KIF13A: variants seen among roughly 807,000 people sequenced by gnomAD.
The protein encoded by KIF13A is kinesin-like protein KIF13A.
A neutral mutation model predicts 212.2 loss-of-function variants in KIF13A; 79 were observed. The observed-to-expected ratio is 0.37, with a 90% CI of 0.31 to 0.45. The LOEUF is 0.45. Ranked by LOEUF, KIF13A falls within the 20% of genes least tolerant of loss-of-function variation. The pLI is 1.00. For missense variants in KIF13A, 1,901 were observed against 2,209.0 expected (o/e 0.86, Z 2.79); for synonymous variants, 789 against 808.6 (o/e 0.98, Z 0.41).
Position 17,787,827 on chromosome 6 carries a change from T to C in KIF13A, c.3310A>G (p.Lys1104Glu). Residue 1104 changes from lysine (K) to glutamate (E), a missense_variant, in exon 27 of 39, where the codon AAA becomes GAA. This residue lies in a region of KIF13A where 168 missense variants were observed against 250.9 expected (regional missense o/e 0.67). Transcript: ENST00000259711. This position sits in a 1 kb window ranked among gnomAD's most constrained non-coding sequence, Gnocchi z 4.6. ...TGTTCATCCAGGTATTCTCGTCGTTTAATGAGTGCATCTGACCACCTCTCC... is the reference window on the plus strand; with the variant it reads ...TGTTCATCCAGGTATTCTCGTCGTTCAATGAGTGCATCTGACCACCTCTCC... ...VRERWSDALI[K>E]RREYLDEQIK... 1 of 1,613,634 alleles carries C rather than the reference T, an allele frequency of 6.2e-7. No individual in the cohort carries two copies. Among genetic ancestry groups the C allele is most frequent in the Non-Finnish European group, 8.5e-7 (1 of 1,179,526 alleles).
Position 17,987,453 on chromosome 6 carries a change from GTA to G in KIF13A, c.9_10del (p.Thr4GlnfsTer39). ...GACCCGGACGGCAACTTTTACCTTG[GTA>G]TCCGACATGTTGGCTGCGCTCGCCC... is the stretch of plus-strand genomic sequence containing the variant. On this transcript the variant is annotated frameshift_variant, in exon 1 of 39. Coordinates refer to ENST00000259711, the MANE Select transcript of KIF13A (RefSeq NM_022113.6). LOFTEE classifies it high-confidence loss of function. This position sits in a 1 kb window ranked among gnomAD's most constrained non-coding sequence, Gnocchi z 7.7. The G allele has an allele frequency of 7.5e-7, 1 of 1,324,876 alleles. No individual in the cohort carries two copies. The highest frequency in any genetic ancestry group is 9.9e-7 in the Non-Finnish European group (1 of 1,005,634). The allele number at this position is 1,324,876 out of a possible 1,614,324, so 82.1% of individuals were successfully genotyped here.
Position 17,764,557 on chromosome 6 carries a change from T to A in KIF13A, c.4971A>T (p.Lys1657Asn). Residue 1657 changes from lysine to asparagine, a missense_variant, in exon 39 of 39, where the codon AAA becomes AAT. Physicochemically the swap from Lys to Asn is moderately conservative, Grantham distance 94. Transcript: ENST00000259711. The surrounding 1 kb of genome is among the most constrained non-coding windows in gnomAD (Gnocchi z 5.1). The stretch of plus-strand genomic sequence containing the variant: ...CAATTATCTTGTCCTTTACCAAGCC[T>A]TTTTCGACTTCTGTCAACTCTTTGT... Reference protein sequence around the residue: ...SSNKELTEVEKGLVKDKIIVV... With the variant: ...SSNKELTEVENGLVKDKIIVV... 6.2e-7 allele frequency: 1 copy of A among 1,613,668 alleles called. No homozygotes were observed. The highest frequency in any genetic ancestry group is 1.7e-5 in the Admixed American group (1 of 60,022).
intron 6 of KIF13A, among the ~76,000 whole-genome samples, chr6:17,854,851 C>T (rs555649609): frequency 1.3e-5 from 2 of 152,124 alleles, no homozygotes; most frequent in East Asian, 3.9e-4. Flanking sequence ...CTGTACCCGG[C>T]CCCAAATTTT....
At chr6:17,980,024 A>G (rs1012724196) in intron 2 of KIF13A, among the ~76,000 whole-genome samples, 1 of 152,190 alleles carries the variant, frequency 6.6e-6, no homozygotes, top group African/African-American at 2.4e-5. Context: ...GGTCTTATTA[A>G]TGAACTAATT....
Position 17,888,448 on chromosome 6 carries a change from G to C in KIF13A, c.159+9720C>G, listed in dbSNP as rs2150464942. On this transcript the variant is annotated intron_variant, in intron 3 of 38. Transcript: ENST00000259711. The surrounding 1 kb of genome is among the most constrained non-coding windows in gnomAD (Gnocchi z 4.8). ...TACTGGTGTTCAGTACTAAGCCATG[G>C]GTTTGATCTGAAACAGAGCTGTCCC... Among the ~76,000 whole-genome samples the C allele has an allele frequency of 6.6e-6, 1 of 152,244 alleles. No individual in the cohort carries two copies. The highest frequency in any genetic ancestry group is 2.1e-4 in the South Asian group (1 of 4,826).
intron 11 of KIF13A, among the ~76,000 whole-genome samples, chr6:17,835,381 CACATTGCAGAACCATTAT>C (rs1192825144): frequency 2.0e-5 from 3 of 152,190 alleles, no homozygotes; most frequent in East Asian, 3.9e-4. Flanking sequence ...CACCTATAAA[CACATTGCAGAACCATTAT>C]ACTTTCCTCC....
chr6:17,818,827 TGTG>T (rs1415968836), intron 16 of KIF13A, among the ~76,000 whole-genome samples: 2 of 152,194 alleles, frequency 1.3e-5, no homozygotes, highest in African/African-American at 4.8e-5. Flanking sequence ...AATAAACTGA[TGTG>T]GTACTCTTAC....
chr6:17,802,948 T>A (rs1762604032), intron 20 of KIF13A, among the ~76,000 whole-genome samples: 1 of 149,698 alleles, frequency 6.7e-6, no homozygotes, highest in Non-Finnish European at 1.5e-5. Context: ...TTTTGTTTTG[T>A]TTTGAGACAG....
intron 9 of KIF13A, among the ~76,000 whole-genome samples, chr6:17,840,651 C>A (rs1766420830): frequency 6.6e-6 from 1 of 151,928 alleles, no homozygotes. Context: ...ATAATTTCTA[C>A]TTTGACAGTG....
At chr6:17,873,489 G>A in intron 3 of KIF13A, 52 bp from the exon 4 acceptor site, 1 of 1,248,236 alleles carries the variant, frequency 8.0e-7, no homozygotes, top group Non-Finnish European at 1.1e-6. Context: ...CTTCTTATGA[G>A]TAAATCAGAC....
chr6:17,957,840 A>G (rs142261087), intron 2 of KIF13A, among the ~76,000 whole-genome samples: 1 of 152,304 alleles, frequency 6.6e-6, no homozygotes, highest in African/African-American at 2.4e-5. Context: ...CACAATATTT[A>G]AAGACATGAT....
At chr6:17,835,573 GTGGT>G (rs1317503786) in intron 11 of KIF13A, among the ~76,000 whole-genome samples, 1 of 152,128 alleles carries the variant, frequency 6.6e-6, no homozygotes, top group Non-Finnish European at 1.5e-5. Flanking sequence ...GCAAGGTATT[GTGGT>G]AAGTGCTTTC....
chr6:17,874,999 G>GCGCGCACACACACACACA (rs913365480), intron 3 of KIF13A, among the ~76,000 whole-genome samples: 1 of 120,266 alleles, frequency 8.3e-6, no homozygotes, highest in African/African-American at 3.1e-5. Flanking sequence ...ACACGCACAC[G>GCGCGCACACACACACACA]CACGCACACA....
chr6:17,944,978 A>G (rs1777260550), intron 2 of KIF13A, among the ~76,000 whole-genome samples: 1 of 152,168 alleles, frequency 6.6e-6, no homozygotes, highest in Non-Finnish European at 1.5e-5. Context: ...GCAACTTAAA[A>G]TGACCACTTC....
At chr6:17,805,425 T>G in intron 19 of KIF13A, 50 bp downstream of exon 19, 9 of 1,473,844 alleles carry the variant, frequency 6.1e-6, no homozygotes, top group Non-Finnish European at 8.5e-6. Flanking sequence ...ATCGCTTATA[T>G]TCTCTGTTTT....
chr6:17,790,477 A>G (rs750397320), intron 25 of KIF13A, among the ~76,000 whole-genome samples: 2 of 152,190 alleles, frequency 1.3e-5, no homozygotes, highest in Non-Finnish European at 2.9e-5. Context: ...CAGGCCTTAT[A>G]CCACTGTCAT....
At chr6:17,975,351 T>C (rs897742282) in intron 2 of KIF13A, among the ~76,000 whole-genome samples, 13 of 152,136 alleles carry the variant, frequency 8.5e-5, no homozygotes, top group Non-Finnish European at 1.6e-4. Context: ...ACTTCAAGAA[T>C]GAAGCTGCGG....
rs1343961097 is a variant in KIF13A, at chr6:17,940,959, G to T, written c.147-42779C>A. 4.6e-5 allele frequency among the ~76,000 whole-genome samples: 7 copies of T among 151,900 alleles called. No homozygotes were observed. In the South Asian group the frequency reaches 1.0e-3, roughly 23 times the overall value. On this transcript the variant is annotated intron_variant, in intron 2 of 38. Transcript: ENST00000259711. ...TCTTGCCTCAGCCTCCCAAGTAGCT[G>T]GGATTACAGGCATGCACCATCATGC... is the stretch of plus-strand genomic sequence containing the variant.
At chr6:17,975,472 G>C (rs188884608) in intron 2 of KIF13A, among the ~76,000 whole-genome samples, 94 of 152,302 alleles carry the variant, frequency 6.2e-4, no homozygotes, top group African/African-American at 2.2e-3. Context: ...ACCTTCAGCG[G>C]TGAGCGTTAC....
Sources: gnomAD v4.1 joint callset for allele counts (sites outside exome capture counted in the v4.1 genomes callset) on GRCh38, gnomAD v4.1.1 for gene constraint, gnomAD v4.1.1 regional missense constraint, Gnocchi (gnomAD v3.1) non-coding constraint, MANE v1.5 for transcripts, NCBI Gene and HGNC (gene_info 2026-07-23, HGNC 2026-07-21) for gene names.